ARHGAP44: variants seen among roughly 807,000 people sequenced by gnomAD.
ARHGAP44 encodes the protein Rho GTPase activating protein 44, also known as rho GTPase-activating protein 44.
Under a neutral mutation model 106.8 loss-of-function variants are expected in ARHGAP44, and 43 were observed. That is an observed-to-expected ratio of 0.40 (90% CI 0.32 to 0.52). The LOEUF (loss-of-function observed/expected upper bound fraction) is 0.52. Among genes scored for constraint, ARHGAP44 ranks in the 20% least tolerant of loss-of-function variants. ARHGAP44 has a pLI of 0.48. For synonymous variants in ARHGAP44, 439 were observed against 410.3 expected, an observed-to-expected ratio of 1.07 and a Z score of -0.85; for missense variants, 866 against 1,050.5, an observed-to-expected ratio of 0.82 and a Z score of 2.43.
intron 1 of ARHGAP44, among the ~76,000 whole-genome samples, chr17:12,818,100 A>G (rs760683965): frequency 1.1e-4 from 16 of 152,026 alleles, no homozygotes; most frequent in Non-Finnish European, 1.8e-4. Flanking sequence ...AAAAATCTTC[A>G]CAAATCAAAT....
intron 1 of ARHGAP44, among the ~76,000 whole-genome samples, chr17:12,836,802 A>G (rs1045125301): frequency 6.6e-6 from 1 of 152,260 alleles, no homozygotes; most frequent in African/African-American, 2.4e-5. Flanking sequence ...CTGAAGGATC[A>G]GGCAGAAAAA....
rs900923108 is a variant in ARHGAP44 at position 12,845,228 on chromosome 17, G to A, written c.54-49712G>A. ...CATTTACTTTAAAAAAAATCATCTCGGCTGGGTGCGGTGGCTCACGTTTAT... is the reference window on the plus strand; with the variant it reads ...CATTTACTTTAAAAAAAATCATCTCAGCTGGGTGCGGTGGCTCACGTTTAT... On this transcript the variant is annotated intron_variant, in intron 1 of 20. Transcript: ENST00000379672. Among the ~76,000 whole-genome samples, 4 of 151,944 alleles carry A rather than the reference G, an allele frequency of 2.6e-5. No homozygotes were observed. The East Asian group carries it at 5.8e-4, about 22-fold the overall frequency.
Position 12,827,960 on chromosome 17 carries a change from A to G in ARHGAP44, c.53+38069A>G, listed in dbSNP as rs952620555. 2.7e-5 allele frequency among the ~76,000 whole-genome samples: 4 copies of G among 145,752 alleles called. No individual in the cohort carries two copies. In the East Asian group the frequency reaches 8.1e-4, roughly 29 times the overall value. On this transcript the variant is annotated intron_variant, in intron 1 of 20. Transcript: ENST00000379672. ...AGGCTGAGGCAGGAGAATCACTTGA[A>G]CCTGGGAGGTGGAGGTTGCAGAGCT...
intron 1 of ARHGAP44, among the ~76,000 whole-genome samples, chr17:12,867,468 C>T (rs994814531): frequency 3.3e-5 from 5 of 152,246 alleles, no homozygotes; most frequent in African/African-American, 9.6e-5. Flanking sequence ...TTACAGGAAG[C>T]GGGGCAGGCT....
chr17:12,967,578 G>A (rs1018043357), intron 16 of ARHGAP44, among the ~76,000 whole-genome samples: 1 of 151,864 alleles, frequency 6.6e-6, no homozygotes, highest in Non-Finnish European at 1.5e-5. Context: ...TTCTCACTTC[G>A]AGTAAAAGGA....
intron 1 of ARHGAP44, chr17:12,790,859 T>C (rs1391097341): frequency 6.6e-6 from 1 of 152,226 alleles, no homozygotes; most frequent in East Asian, 1.9e-4. Flanking sequence ...GGATTTCCGT[T>C]GCTGCTGTGG....
chr17:12,884,233 TA>T (rs1200853039), intron 1 of ARHGAP44, among the ~76,000 whole-genome samples: 1 of 152,192 alleles, frequency 6.6e-6, no homozygotes, highest in Non-Finnish European at 1.5e-5. Flanking sequence ...ATATTTAGTT[TA>T]TGTATGTTTT....
At chr17:12,989,914 A>C in intron 20 of ARHGAP44, 118 bp from the exon 21 acceptor site, 2 of 1,419,604 alleles carry the variant, frequency 1.4e-6, no homozygotes, top group Non-Finnish European at 1.9e-6. Context: ...CCTCCAAATG[A>C]TCTATCCCTA....
At chr17:12,911,291 T>G (rs1386390299) in intron 4 of ARHGAP44, among the ~76,000 whole-genome samples, 1 of 151,998 alleles carries the variant, frequency 6.6e-6, no homozygotes, top group African/African-American at 2.4e-5. Context: ...TGATTTTCTC[T>G]CCTTCCAAAA....
intron 4 of ARHGAP44, among the ~76,000 whole-genome samples, chr17:12,910,732 A>G (rs1388521133): frequency 3.9e-5 from 6 of 151,980 alleles, no homozygotes; most frequent in Non-Finnish European, 8.8e-5. Context: ...AGGAGTGCTT[A>G]TGTAGCATTT....
intron 1 of ARHGAP44, among the ~76,000 whole-genome samples, chr17:12,858,111 C>G (rs748466039): frequency 2.0e-5 from 3 of 152,190 alleles, no homozygotes; most frequent in Non-Finnish European, 4.4e-5. Flanking sequence ...TATGCCAAGT[C>G]TGTAGTAAGC....
At chr17:12,916,072 C>T in intron 5 of ARHGAP44, 61 bp downstream of exon 5, 1 of 1,329,500 alleles carries the variant, frequency 7.5e-7, no homozygotes, top group Non-Finnish European at 1.1e-6. Flanking sequence ...AGGAGCCCCT[C>T]AATCATTCTG....
At chr17:12,940,542 T>C (rs1397513564) in intron 7 of ARHGAP44, among the ~76,000 whole-genome samples, 1 of 152,210 alleles carries the variant, frequency 6.6e-6, no homozygotes, top group Non-Finnish European at 1.5e-5. Context: ...AGCAATCCTT[T>C]CCCTGTGCAC....
At chr17:12,886,342 T>C (rs530373132) in intron 1 of ARHGAP44, among the ~76,000 whole-genome samples, 44 of 152,314 alleles carry the variant, frequency 2.9e-4, no homozygotes, top group Middle Eastern at 3.4e-3. Context: ...TTAGAATCAA[T>C]TTGTCTGTAA....
chr17:12,945,220 G>C (rs2038821082), intron 10 of ARHGAP44, among the ~76,000 whole-genome samples: 1 of 151,722 alleles, frequency 6.6e-6, no homozygotes, highest in South Asian at 2.1e-4. Flanking sequence ...ATGTTGGCCA[G>C]GCTAGTCTTG....
intron 16 of ARHGAP44, among the ~76,000 whole-genome samples, chr17:12,966,948 G>A (rs1467973847): frequency 2.6e-5 from 4 of 152,104 alleles, no homozygotes; most frequent in Non-Finnish European, 4.4e-5. Context: ...AATTCTGCCC[G>A]GTGATAAGTG....
intron 3 of ARHGAP44, among the ~76,000 whole-genome samples, chr17:12,905,627 A>G (rs1339548645): frequency 1.4e-4 from 21 of 152,126 alleles, no homozygotes; most frequent in Non-Finnish European, 2.9e-5. Context: ...GTCTTTTTCC[A>G]TATTTGGAAA....
chr17:12,920,055 A>C (rs2038029037), intron 6 of ARHGAP44, among the ~76,000 whole-genome samples: 1 of 152,104 alleles, frequency 6.6e-6, no homozygotes. Flanking sequence ...CAAGTGAAGA[A>C]ACAAGACAGT....
rs189629318 is a variant in ARHGAP44 at position 12,859,926 on chromosome 17, T to C, written c.54-35014T>C. On this transcript the variant is annotated intron_variant, in intron 1 of 20. Transcript: ENST00000379672. ...AGAAGTTCACTGTCAAGCTTAAATC[T>C]CTGTGGTTCATGAAAAAAAAATTTA... Among the ~76,000 whole-genome samples the C allele has an allele frequency of 2.1e-3, 323 of 152,198 alleles. 1 individual carries two copies. Among genetic ancestry groups the C allele is most frequent in the African/African-American group, 7.7e-3 (320 of 41,508 alleles).
Sources: gnomAD v4.1 joint callset for allele counts (sites outside exome capture counted in the v4.1 genomes callset) on GRCh38, gnomAD v4.1.1 for gene constraint, MANE v1.5 for transcripts, NCBI Gene and HGNC (gene_info 2026-07-23, HGNC 2026-07-21) for gene names.